Variants in PRDM5 observed in about 807,000 individuals in gnomAD.
PRDM5 encodes the protein PR domain zinc finger protein 5.
PRDM5 carries 56 observed loss-of-function variants against 81.2 expected under a neutral mutation model. The ratio of observed to expected loss-of-function variants is 0.69; its 90% confidence interval spans 0.56 to 0.86. The LOEUF is 0.86. Ranked by LOEUF, PRDM5 falls within the 40% of genes least tolerant of loss-of-function variation. PRDM5 has a pLI of 0.00. For synonymous variants in PRDM5, 267 were observed against 256.4 expected (o/e 1.04, Z -0.39); for missense variants, 697 against 770.1 (o/e 0.91, Z 1.12).
chr4:120,843,140 T>G (rs935667072), intron 3 of PRDM5, among the ~76,000 whole-genome samples: 3 of 152,072 alleles, frequency 2.0e-5, no homozygotes, highest in Non-Finnish European at 4.4e-5. Flanking sequence ...GAGACCAGCC[T>G]GGCCAACGTA....
intron 13 of PRDM5, among the ~76,000 whole-genome samples, chr4:120,760,008 C>A (rs1745363542): frequency 6.6e-6 from 1 of 152,144 alleles, no homozygotes; most frequent in Non-Finnish European, 1.5e-5. Context: ...GTATTCATAT[C>A]CCTAGTTTAC....
intron 14 of PRDM5, among the ~76,000 whole-genome samples, chr4:120,753,014 A>G (rs1744225859): frequency 6.6e-6 from 1 of 152,202 alleles, no homozygotes; most frequent in African/African-American, 2.4e-5. Context: ...AGAAAACCCA[A>G]AAGATATTTT....
chr4:120,884,358 T>C (rs1409869521), intron 2 of PRDM5, among the ~76,000 whole-genome samples: 1 of 152,160 alleles, frequency 6.6e-6, no homozygotes, highest in African/African-American at 2.4e-5. Flanking sequence ...ATTTACACTT[T>C]TCCTACCTTC....
chr4:120,881,975 T>A (rs867381412), intron 2 of PRDM5, among the ~76,000 whole-genome samples: 38 of 152,292 alleles, frequency 2.5e-4, no homozygotes, highest in African/African-American at 8.9e-4. Flanking sequence ...AATCTACAGA[T>A]CCTGTTGAAA....
intron 12 of PRDM5, among the ~76,000 whole-genome samples, chr4:120,779,141 T>C (rs1748627770): frequency 2.0e-5 from 3 of 152,148 alleles, no homozygotes; most frequent in Non-Finnish European, 4.4e-5. Context: ...AACTAAAGGA[T>C]ATTAGGGTTA....
chr4:120,867,434 A>T (rs1316472582), intron 2 of PRDM5, among the ~76,000 whole-genome samples: 1 of 152,204 alleles, frequency 6.6e-6, no homozygotes, highest in African/African-American at 2.4e-5. Flanking sequence ...TAAGGCTTAA[A>T]TTATATATTT....
At chr4:120,710,260 T>A in intron 15 of PRDM5, 49 bp downstream of exon 15, 2 of 1,464,722 alleles carry the variant, frequency 1.4e-6, no homozygotes. Flanking sequence ...CACACACCCC[T>A]ACTTTCTGTT....
intron 10 of PRDM5, among the ~76,000 whole-genome samples, chr4:120,797,915 T>C (rs943314654): frequency 2.0e-5 from 3 of 152,106 alleles, no homozygotes; most frequent in African/African-American, 4.8e-5. Context: ...TAGCAGAGCA[T>C]ACTACAAGGA....
intron 14 of PRDM5, among the ~76,000 whole-genome samples, chr4:120,740,591 A>G (rs1284262935): frequency 2.0e-5 from 3 of 152,106 alleles, no homozygotes; most frequent in Non-Finnish European, 4.4e-5. Flanking sequence ...GTATGTCTAA[A>G]CCTTGTCCAA....
chr4:120,855,685 T>A (rs551219449), intron 2 of PRDM5, among the ~76,000 whole-genome samples: 2 of 152,334 alleles, frequency 1.3e-5, no homozygotes, highest in Non-Finnish European at 2.9e-5. Context: ...ACCAAAACTG[T>A]TTATATTGAC....
chr4:120,837,866 A>C (rs1757538952), intron 3 of PRDM5: 1 of 152,192 alleles, frequency 6.6e-6, no homozygotes, highest in African/African-American at 2.4e-5. Flanking sequence ...CATAAAGTGT[A>C]TACAGCCATA....
intron 7 of PRDM5, among the ~76,000 whole-genome samples, chr4:120,813,845 C>T (rs553130723): frequency 6.6e-6 from 1 of 152,162 alleles, no homozygotes; most frequent in African/African-American, 2.4e-5. Context: ...TGATACTAGG[C>T]CCTACTCCTT....
intron 14 of PRDM5, among the ~76,000 whole-genome samples, chr4:120,716,691 T>C (rs1737802641): frequency 6.6e-6 from 1 of 152,124 alleles, no homozygotes; most frequent in Non-Finnish European, 1.5e-5. Flanking sequence ...TGAAGGAACT[T>C]CTAATGCCTA....
At chr4:120,818,112 C>G (rs1426561426) in intron 5 of PRDM5, 1 of 458,436 alleles carries the variant, frequency 2.2e-6, no homozygotes, top group African/African-American at 2.0e-5. Flanking sequence ...AACTAATTAC[C>G]ATAAACAGTG....
chr4:120,897,705 T>C (rs1398506881), intron 2 of PRDM5, among the ~76,000 whole-genome samples: 1 of 152,240 alleles, frequency 6.6e-6, no homozygotes, highest in African/African-American at 2.4e-5. Flanking sequence ...CATTCTGTCT[T>C]TTGCTTTGTC....
At chr4:120,750,829 C>A (rs1020552816) in intron 14 of PRDM5, among the ~76,000 whole-genome samples, 6 of 151,934 alleles carry the variant, frequency 3.9e-5, no homozygotes, top group Non-Finnish European at 8.8e-5. Flanking sequence ...CAATGAGATT[C>A]ACAGATGGCC....
chr4:120,863,156 T>TTA (rs1760796471), intron 2 of PRDM5, among the ~76,000 whole-genome samples: 1 of 40,118 alleles, frequency 2.5e-5, no homozygotes, highest in Non-Finnish European at 4.1e-5. Flanking sequence ...AGACTCTGTC[T>TTA]AAAAAAAAAA....
Position 120,922,240 on chromosome 4 carries a change from A to G in PRDM5, c.93+276T>C, listed in dbSNP as rs527786077. On this transcript the variant is annotated intron_variant, in intron 1 of 15. Transcript: ENST00000264808. ...GGAGAGAGGAAAGACATCTTGCGGCAGGGAGGCCGGTGGCAGTTCCGCCCC... is the reference window on the plus strand; with the variant it reads ...GGAGAGAGGAAAGACATCTTGCGGCGGGGAGGCCGGTGGCAGTTCCGCCCC... Among the ~76,000 whole-genome samples the G allele has an allele frequency of 5.9e-5, 9 of 152,246 alleles. No individual in the cohort carries two copies. The East Asian group carries it at 1.6e-3, about 26-fold the overall frequency.
At chr4:120,718,154 TTC>T (rs1418495493) in intron 14 of PRDM5, among the ~76,000 whole-genome samples, 1 of 152,228 alleles carries the variant, frequency 6.6e-6, no homozygotes, top group African/African-American at 2.4e-5. Flanking sequence ...GATACACCTT[TTC>T]TCTATTTGTC....
Sources: allele counts gnomAD v4.1 joint callset (sites outside exome capture counted in the v4.1 genomes callset), GRCh38; gene constraint gnomAD v4.1.1; transcripts MANE v1.5; gene names NCBI Gene and HGNC (gene_info 2026-07-23, HGNC 2026-07-21).